The following MICAL2 variants were observed in gnomAD, a reference collection of about 807,000 sequenced individuals.
MICAL2 encodes microtubule associated monooxygenase, calponin and LIM domain containing 2, also known as [F-actin]-monooxygenase MICAL2.
A neutral mutation model predicts 127.3 loss-of-function variants in MICAL2; 77 were observed. The observed-to-expected ratio is 0.60, with a 90% CI of 0.50 to 0.73. The LOEUF is 0.73. MICAL2 is among the 30% of genes least tolerant of loss of function. The pLI is 0.00. For synonymous variants in MICAL2, 570 were observed against 551.1 expected (o/e 1.03, Z -0.48); for missense variants, 1,351 against 1,434.4 (o/e 0.94, Z 0.94).
At chr11:12,162,014 A>T in intron 2 of MICAL2, 65 bp from the exon 3 acceptor site, 2 of 1,107,482 alleles carry the variant, frequency 1.8e-6, no homozygotes, top group Non-Finnish European at 2.6e-6. Flanking sequence ...TTTACTTCTC[A>T]GCACCCATCC....
intron 7 of MICAL2, among the ~76,000 whole-genome samples, chr11:12,214,085 C>T (rs1855846143): frequency 6.6e-6 from 1 of 152,132 alleles, no homozygotes; most frequent in East Asian, 1.9e-4. Context: ...GGCTTATATT[C>T]TACGAGAATA....
chr11:12,170,340 C>T (rs1189404174), intron 3 of MICAL2, among the ~76,000 whole-genome samples: 1 of 151,982 alleles, frequency 6.6e-6, no homozygotes, highest in Non-Finnish European at 1.5e-5. Context: ...GTCTCAACTA[C>T]TGGGGAGTCT....
At chr11:12,249,116 C>T (rs1861175313) in intron 21 of MICAL2, 68 bp from the exon 22 acceptor site, 1 of 1,599,236 alleles carries the variant, frequency 6.3e-7, no homozygotes, top group Non-Finnish European at 8.5e-7. Flanking sequence ...TCTCTTTCCC[C>T]AGTGGAAGAG....
intron 32 of MICAL2, among the ~76,000 whole-genome samples, chr11:12,341,510 T>C (rs972099765): frequency 2.6e-5 from 4 of 152,222 alleles, no homozygotes; most frequent in African/African-American, 7.2e-5. Context: ...GATCGTTTTT[T>C]TTCTCTACTA....
chr11:12,278,707 T>C (rs759652553), intron 1 of MICAL2, among the ~76,000 whole-genome samples: 28 of 151,974 alleles, frequency 1.8e-4, no homozygotes, highest in Non-Finnish European at 3.4e-4. Flanking sequence ...ATGGGAGCAG[T>C]GGAGATGGAT....
intron 3 of MICAL2, among the ~76,000 whole-genome samples, chr11:12,203,122 A>T (rs1854235466): frequency 1.3e-5 from 2 of 152,228 alleles, no homozygotes; most frequent in Non-Finnish European, 2.9e-5. Flanking sequence ...GCTGAATAAT[A>T]TTCCATTGTG....
At position 12,286,938 on chromosome 11, in the gene MICAL2, G is replaced by A. The variant is rs79988719; in HGVS notation, c.255-149G>A. 2.6e-3 allele frequency: 1,015 copies of A among 392,324 alleles called. 10 individuals carry two copies. The highest frequency in any genetic ancestry group is 0.018 in the African/African-American group (854 of 48,594). The allele number at this position is 392,324 out of a possible 1,614,324, so 24.3% of individuals were successfully genotyped here. Reference sequence around the variant, plus strand: ...TGTGTTGTGGGGACAGCAGTATGGTGTGAGGGAAGGAGAGAGTTCAGTCTA... The same window carrying A: ...TGTGTTGTGGGGACAGCAGTATGGTATGAGGGAAGGAGAGAGTTCAGTCTA... On this transcript the variant is annotated intron_variant, in intron 2 of 2. Transcript: ENST00000529028.
At chr11:12,327,340 C>T (rs1864365851) in intron 32 of MICAL2, 1 of 1,248,576 alleles carries the variant, frequency 8.0e-7, no homozygotes, top group Non-Finnish European at 1.1e-6. Flanking sequence ...CTGAGGAAAA[C>T]AGACCTTGTC....
intron 1 of MICAL2, among the ~76,000 whole-genome samples, chr11:12,114,067 T>C (rs1849807102): frequency 6.6e-6 from 1 of 152,210 alleles, no homozygotes; most frequent in South Asian, 2.1e-4. Context: ...CTCAAAAATA[T>C]TACAAACATT....
At chr11:12,343,354 G>A (rs1938900221) in intron 32 of MICAL2, among the ~76,000 whole-genome samples, 1 of 142,310 alleles carries the variant, frequency 7.0e-6, no homozygotes, top group Admixed American at 7.4e-5. Flanking sequence ...GTTGCAGTAA[G>A]CTGAGATCAT....
intron 8 of MICAL2, among the ~76,000 whole-genome samples, chr11:12,219,834 C>T (rs540773923): frequency 9.2e-5 from 14 of 152,324 alleles, no homozygotes; most frequent in African/African-American, 3.4e-4. Context: ...CAACTCTCAA[C>T]GCGCCCTGTT....
intron 2 of MICAL2, among the ~76,000 whole-genome samples, chr11:12,154,645 C>G (rs1242791505): frequency 3.9e-5 from 6 of 152,192 alleles, no homozygotes; most frequent in African/African-American, 1.4e-4. Flanking sequence ...ATATCCTGCT[C>G]TTTTCACTCT....
At chr11:12,345,937 T>C (rs1271643773) in intron 32 of MICAL2, among the ~76,000 whole-genome samples, 1 of 152,214 alleles carries the variant, frequency 6.6e-6, no homozygotes, top group African/African-American at 2.4e-5. Flanking sequence ...CTGGAGGCGC[T>C]GTGAAAAGAG....
intron 33 of MICAL2, among the ~76,000 whole-genome samples, chr11:12,350,202 G>A (rs1157891350): frequency 6.6e-6 from 1 of 152,172 alleles, no homozygotes. Context: ...TTTGGATAAG[G>A]CATTTTCAAT....
At chr11:12,153,649 G>T (rs1356407716) in intron 2 of MICAL2, among the ~76,000 whole-genome samples, 1 of 152,106 alleles carries the variant, frequency 6.6e-6, no homozygotes, top group African/African-American at 2.4e-5. Context: ...TATTGGTCAG[G>T]CTGGTCTCAA....
chr11:12,298,474 G>T (rs1280825182), intron 29 of MICAL2, among the ~76,000 whole-genome samples: 1 of 152,028 alleles, frequency 6.6e-6, no homozygotes, highest in African/African-American at 2.4e-5. Context: ...GTATACCTCT[G>T]ATTTATCTTG....
At chr11:12,183,621 T>A (rs1857766887) in intron 3 of MICAL2, among the ~76,000 whole-genome samples, 1 of 152,150 alleles carries the variant, frequency 6.6e-6, no homozygotes, top group African/African-American at 2.4e-5. Context: ...CTTCAGGACA[T>A]AGGAGAAGTA....
chr11:12,157,389 C>A (rs769033337), intron 2 of MICAL2, among the ~76,000 whole-genome samples: 1 of 152,010 alleles, frequency 6.6e-6, no homozygotes, highest in Non-Finnish European at 1.5e-5. Flanking sequence ...AATCTGGGGC[C>A]CTTAATTATA....
At chr11:12,147,039 A>C in intron 2 of MICAL2, among the ~76,000 whole-genome samples, 1 of 151,894 alleles carries the variant, frequency 6.6e-6, no homozygotes, top group Non-Finnish European at 1.5e-5. Context: ...GAAGGGGAAC[A>C]TCACATACCG....
Sources: allele counts gnomAD v4.1 joint callset (sites outside exome capture counted in the v4.1 genomes callset), GRCh38; gene constraint gnomAD v4.1.1; transcripts MANE v1.5; gene names NCBI Gene and HGNC (gene_info 2026-07-23, HGNC 2026-07-21).